The following RBFOX1 variants were observed in gnomAD, a reference collection of about 807,000 sequenced individuals.
RBFOX1 encodes the protein RNA binding fox-1 homolog 1.
Under a neutral mutation model 57.7 loss-of-function variants are expected in RBFOX1, and 8 were observed. The ratio of observed to expected loss-of-function variants is 0.14; its 90% CI spans 0.08 to 0.25. The LOEUF (loss-of-function observed/expected upper bound fraction) is 0.25. Ranked by LOEUF, RBFOX1 falls within the 10% of genes least tolerant of loss-of-function variation. The pLI, the probability that RBFOX1 is intolerant of heterozygous loss-of-function variation, is 1.00. For missense variants in RBFOX1, 611 were observed against 548.5 expected (o/e 1.11, Z -1.14); for synonymous variants, 326 against 222.4 (o/e 1.47, Z -4.15).
chr16:5,923,530 CT>C lies in RBFOX1; in HGVS notation c.351+56215del, dbSNP rs71404564. On this transcript the variant is annotated intron_variant, in intron 4 of 19. Transcript: ENST00000641259. Reference sequence around the variant, plus strand: ...TAGATCATCTGTCTCCAGAGCCAGGCTTTTTTTTTTTTTTTTTTTTCTTTTT... The same window carrying C: ...TAGATCATCTGTCTCCAGAGCCAGGCTTTTTTTTTTTTTTTTTTTCTTTTT... 7.6e-3 allele frequency among the ~76,000 whole-genome samples: 829 copies of C among 109,368 alleles called. 1 individual carries two copies. The highest frequency in any genetic ancestry group is 0.017 in the African/African-American group (489 of 28,858). 71.7% of individuals were successfully genotyped at this position (109,368 alleles called of 152,430 possible).
At chr16:6,666,055 C>A (rs930979650) in intron 3 of RBFOX1, among the ~76,000 whole-genome samples, 2 of 152,122 alleles carry the variant, frequency 1.3e-5, no homozygotes, top group African/African-American at 4.8e-5. Flanking sequence ...AAACCCCTTT[C>A]GCTTGTTTTT....
At chr16:6,728,814 A>C (rs2067847757) in intron 3 of RBFOX1, among the ~76,000 whole-genome samples, 1 of 152,220 alleles carries the variant, frequency 6.6e-6, no homozygotes, top group Non-Finnish European at 1.5e-5. Flanking sequence ...TTATCTGCAT[A>C]ATTGGAATAG....
At chr16:5,999,999 G>A (rs1267298421) in intron 4 of RBFOX1, among the ~76,000 whole-genome samples, 1 of 151,424 alleles carries the variant, frequency 6.6e-6, no homozygotes, top group Non-Finnish European at 1.5e-5. Context: ...AGGAACAATG[G>A]TAAGTTGCTC....
At chr16:6,592,319 CA>C (rs1299031928) in intron 2 of RBFOX1, among the ~76,000 whole-genome samples, 2 of 152,216 alleles carry the variant, frequency 1.3e-5, no homozygotes, top group African/African-American at 4.8e-5. Context: ...ATATTATCTG[CA>C]GTTGTACATT....
At chr16:6,665,731 G>C (rs924935579) in intron 3 of RBFOX1, among the ~76,000 whole-genome samples, 1 of 151,610 alleles carries the variant, frequency 6.6e-6, no homozygotes, top group Non-Finnish European at 1.5e-5. Flanking sequence ...CAACTACCTT[G>C]CATTGAGGAT....
chr16:6,655,461 C>T (rs1199912596), intron 3 of RBFOX1, among the ~76,000 whole-genome samples: 1 of 147,240 alleles, frequency 6.8e-6, no homozygotes, highest in Non-Finnish European at 1.5e-5. Flanking sequence ...GCAACAGCGT[C>T]CTATCTGAGA....
chr16:7,089,791 T>C (rs1056430922), intron 4 of RBFOX1, among the ~76,000 whole-genome samples: 1 of 152,218 alleles, frequency 6.6e-6, no homozygotes, highest in African/African-American at 2.4e-5. Flanking sequence ...CTCAGACCAA[T>C]GCATTTTAGG....
intron 1 of RBFOX1, among the ~76,000 whole-genome samples, chr16:5,369,910 T>A (rs768245129): frequency 8.5e-5 from 13 of 152,112 alleles, no homozygotes; most frequent in Non-Finnish European, 1.5e-4. Context: ...AACCTATAGA[T>A]GTCTGAGAAT....
chr16:6,572,380 G>A lies in RBFOX1; in HGVS notation c.-63-82223G>A, dbSNP rs146594564. Among the ~76,000 whole-genome samples, 424 of 152,212 alleles carry A rather than the reference G, an allele frequency of 2.8e-3. 1 individual carries two copies. The East Asian group carries it at 0.029, about 10-fold the overall frequency. Reference sequence around the variant, plus strand: ...TTTAAAACATTAAAGGTTGAAGAACGTTTTAAATCTACTTACAGGATCAAA... The same window carrying A: ...TTTAAAACATTAAAGGTTGAAGAACATTTTAAATCTACTTACAGGATCAAA... On this transcript the variant is annotated intron_variant, in intron 2 of 15. Transcript: ENST00000550418.
At chr16:5,743,335 T>A (rs758821944) in intron 3 of RBFOX1, among the ~76,000 whole-genome samples, 22 of 152,174 alleles carry the variant, frequency 1.4e-4, no homozygotes, top group Non-Finnish European at 2.2e-4. Flanking sequence ...AAATCAAATG[T>A]CATTACAGGA....
intron 4 of RBFOX1, among the ~76,000 whole-genome samples, chr16:7,151,376 A>T (rs1819638172): frequency 6.6e-6 from 1 of 152,142 alleles, no homozygotes. Context: ...TAGGACTGCA[A>T]AAGATATGTT....
chr16:6,959,832 G>A (rs748332815), intron 3 of RBFOX1, among the ~76,000 whole-genome samples: 1 of 152,154 alleles, frequency 6.6e-6, no homozygotes, highest in Non-Finnish European at 1.5e-5. Context: ...AGCTACTCGG[G>A]AGGCTGAGGC....
intron 2 of RBFOX1, among the ~76,000 whole-genome samples, chr16:5,591,948 C>A (rs1305981100): frequency 6.6e-6 from 1 of 152,216 alleles, no homozygotes. Context: ...TATAATTTCA[C>A]TGTGTATAAA....
chr16:7,197,041 C>G (rs2086876039), intron 4 of RBFOX1, among the ~76,000 whole-genome samples: 4 of 152,180 alleles, frequency 2.6e-5, no homozygotes, highest in Non-Finnish European at 5.9e-5. Context: ...CCATAGCCAT[C>G]TTTCAGCCAG....
intron 4 of RBFOX1, among the ~76,000 whole-genome samples, chr16:7,381,525 A>G (rs898040849): frequency 3.3e-5 from 5 of 151,050 alleles, no homozygotes; most frequent in Non-Finnish European, 5.9e-5. Flanking sequence ...TTATTTTATT[A>G]ACAGCTTCAC....
intron 2 of RBFOX1, among the ~76,000 whole-genome samples, chr16:6,561,641 A>T (rs893867018): frequency 6.6e-6 from 1 of 152,170 alleles, no homozygotes; most frequent in South Asian, 2.1e-4. Context: ...TGTTCCTGCT[A>T]TTCTTTTCCT....
At chr16:7,684,326 G>C (rs552912178) in intron 14 of RBFOX1, among the ~76,000 whole-genome samples, 2 of 152,138 alleles carry the variant, frequency 1.3e-5, no homozygotes, top group East Asian at 3.9e-4. Flanking sequence ...ATTTAGAATA[G>C]GGGCCACTAT....
At chr16:6,500,876 G>GTTTT (rs1190261525) in intron 2 of RBFOX1, among the ~76,000 whole-genome samples, 5 of 30,114 alleles carry the variant, frequency 1.7e-4, no homozygotes, top group Admixed American at 4.0e-4. Context: ...TTGGGGAGTA[G>GTTTT]TTTTTTTTTT....
chr16:5,972,151 C>G (rs1355156217), intron 4 of RBFOX1, among the ~76,000 whole-genome samples: 1 of 152,182 alleles, frequency 6.6e-6, no homozygotes, highest in South Asian at 2.1e-4. Context: ...ACTTCTTGGT[C>G]TCCATAATTG....
Sources: gnomAD v4.1 joint callset for allele counts (sites outside exome capture counted in the v4.1 genomes callset) on GRCh38, gnomAD v4.1.1 for gene constraint, MANE v1.5 for transcripts, NCBI Gene and HGNC (gene_info 2026-07-23, HGNC 2026-07-21) for gene names.